The following GCSAML variants were observed in gnomAD, a reference collection of about 807,000 sequenced individuals.
GCSAML encodes germinal center-associated signaling and motility-like protein.
Under a neutral mutation model 13.0 loss-of-function variants are expected in GCSAML, and 9 were observed. The ratio of observed to expected loss-of-function variants is 0.69; its 90% CI spans 0.42 to 1.21. GCSAML has a LOEUF of 1.21. GCSAML is among the 50% of genes most tolerant of loss of function. The probability of loss-of-function intolerance (pLI) is 0.00; values close to 1 mark genes in which losing one functional copy is unlikely to be tolerated. For missense variants in GCSAML, 143 were observed against 153.4 expected, an observed-to-expected ratio of 0.93 and a Z score of 0.36; for synonymous variants, 37 against 52.9, an observed-to-expected ratio of 0.70 and a Z score of 1.31.
intron 2 of GCSAML, chr1:247,532,295 T>C: frequency 1.2e-6 from 2 of 1,614,138 alleles, no homozygotes; most frequent in Non-Finnish European, 1.7e-6. Flanking sequence ...GTGGTGAAGC[T>C]CATGTCCAGG....
chr1:247,547,418 A>C (rs1407273734), upstream of GCSAML, among the ~76,000 whole-genome samples: 1 of 152,204 alleles, frequency 6.6e-6, no homozygotes, highest in Non-Finnish European at 1.5e-5. Flanking sequence ...TGGGAGTTAG[A>C]GGTGCTGAAA....
intron 3 of GCSAML, among the ~76,000 whole-genome samples, chr1:247,564,968 A>G (rs1011230351): frequency 2.0e-5 from 3 of 152,230 alleles, no homozygotes; most frequent in Non-Finnish European, 2.9e-5. Context: ...CAAATATTTC[A>G]TGATCTAGAC....
At chr1:247,567,242 G>A (rs564956461) in intron 4 of GCSAML, among the ~76,000 whole-genome samples, 116 of 151,830 alleles carry the variant, frequency 7.6e-4, no homozygotes, top group African/African-American at 2.5e-3. Context: ...CATGTGCCAC[G>A]GTGCTTTGCT....
intron 1 of GCSAML, among the ~76,000 whole-genome samples, chr1:247,521,792 T>C (rs1666441396): frequency 6.6e-6 from 1 of 151,788 alleles, no homozygotes; most frequent in African/African-American, 2.4e-5. Flanking sequence ...AGCCTCTGCC[T>C]GGCCACCACC....
At chr1:247,566,055 A>G (rs1668342627) in intron 4 of GCSAML, 96 bp downstream of exon 4, 1 of 770,894 alleles carries the variant, frequency 1.3e-6, no homozygotes, top group Non-Finnish European at 2.0e-6. Flanking sequence ...ATTCAAGAGT[A>G]GCATCTGTCT....
chr1:247,543,563 A>T (rs1667475651), intron 2 of GCSAML, among the ~76,000 whole-genome samples: 1 of 152,174 alleles, frequency 6.6e-6, no homozygotes, highest in African/African-American at 2.4e-5. Context: ...TATTATAGTA[A>T]TTATCGTGGA....
chr1:247,529,316 A>G (rs1215031242), intron 2 of GCSAML: 1 of 152,246 alleles, frequency 6.6e-6, no homozygotes, highest in African/African-American at 2.4e-5. Context: ...GGGTGTGGCA[A>G]TAGAATTGCC....
chr1:247,530,110 A>G (rs1020125598), intron 2 of GCSAML: 1 of 152,108 alleles, frequency 6.6e-6, no homozygotes, highest in Non-Finnish European at 1.5e-5. Flanking sequence ...CCTGACTAAT[A>G]CAGTGAATTG....
chr1:247,549,094 A>C, upstream of GCSAML: 2 of 1,612,292 alleles, frequency 1.2e-6, no homozygotes, highest in Admixed American at 1.7e-5. Flanking sequence ...GGTCAGATGC[A>C]ACGTCCTGCC....
intron 4 of GCSAML, among the ~76,000 whole-genome samples, chr1:247,572,771 A>G (rs1021862670): frequency 6.6e-6 from 1 of 152,236 alleles, no homozygotes; most frequent in Non-Finnish European, 1.5e-5. Context: ...GCCAACAGGT[A>G]GGCAGGAATG....
intron 2 of GCSAML, among the ~76,000 whole-genome samples, chr1:247,559,801 G>A (rs372028663): frequency 6.6e-6 from 1 of 152,122 alleles, no homozygotes. Context: ...CTGAGTCTTC[G>A]TATTGTCTTC....
chr1:247,551,491 C>T (rs577342407), intron 1 of GCSAML, among the ~76,000 whole-genome samples: 1 of 152,206 alleles, frequency 6.6e-6, no homozygotes, highest in African/African-American at 2.4e-5. Context: ...GAGAAAAATG[C>T]AATGTGGCAT....
intron 1 of GCSAML, chr1:247,524,772 G>A (rs1572297945): frequency 6.6e-6 from 1 of 151,978 alleles, no homozygotes; most frequent in South Asian, 2.1e-4. Context: ...AGGATAAAAC[G>A]TCCCACTAGA....
chr1:247,556,479 C>A lies in GCSAML; in HGVS notation c.89+13C>A. On this transcript the variant is annotated intron_variant, in intron 2 of 4. Transcript: ENST00000366488. Reference sequence around the variant, plus strand: ...AGGAAAGAAAACGGTAAGAACAGAGCATCTCAGAGTTTTTTTGTTTTGTTT... The same window carrying A: ...AGGAAAGAAAACGGTAAGAACAGAGAATCTCAGAGTTTTTTTGTTTTGTTT... 1 of 1,588,672 alleles carries A rather than the reference C, an allele frequency of 6.3e-7. No homozygotes were observed. The highest frequency in any genetic ancestry group is 8.6e-7 in the Non-Finnish European group (1 of 1,161,350).
intron 2 of GCSAML, among the ~76,000 whole-genome samples, chr1:247,557,913 G>C (rs971541883): frequency 6.6e-6 from 1 of 152,108 alleles, no homozygotes. Context: ...TTTAACTTAC[G>C]CATAAACTAG....
At chr1:247,519,843 G>T (rs1353494590) in intron 1 of GCSAML, among the ~76,000 whole-genome samples, 1 of 152,202 alleles carries the variant, frequency 6.6e-6, no homozygotes, top group Non-Finnish European at 1.5e-5. Flanking sequence ...ATAGGGTCGT[G>T]TATGGGAAGA....
chr1:247,571,283 T>G (rs550061900), intron 4 of GCSAML, among the ~76,000 whole-genome samples: 1 of 152,248 alleles, frequency 6.6e-6, no homozygotes, highest in South Asian at 2.1e-4. Flanking sequence ...TTGAGCAGTT[T>G]CTTCATAGTG....
chr1:247,571,995 G>T (rs1435086521), intron 4 of GCSAML, among the ~76,000 whole-genome samples: 1 of 151,972 alleles, frequency 6.6e-6, no homozygotes, highest in African/African-American at 2.4e-5. Flanking sequence ...GATCAATTTG[G>T]CTATTGATAC....
intron 2 of GCSAML, chr1:247,531,021 G>C (rs1336817808): frequency 6.5e-6 from 1 of 154,304 alleles, no homozygotes; most frequent in Non-Finnish European, 1.4e-5. Context: ...AGGTCCCCGA[G>C]GTAGGGTAGG....
Sources: gnomAD v4.1 joint callset for allele counts (sites outside exome capture counted in the v4.1 genomes callset) on GRCh38, gnomAD v4.1.1 for gene constraint, MANE v1.5 for transcripts, NCBI Gene and HGNC (gene_info 2026-07-23, HGNC 2026-07-21) for gene names.